MYLK: variants seen among roughly 807,000 people sequenced by gnomAD.
The protein encoded by MYLK is myosin light chain kinase, also known as myosin light chain kinase, smooth muscle.
Under a neutral mutation model 203.4 loss-of-function variants are expected in MYLK, and 106 were observed. The observed-to-expected ratio is 0.52, with a 90% CI of 0.45 to 0.61. The LOEUF is 0.61. Among genes scored for constraint, MYLK ranks in the 20% least tolerant of loss-of-function variants. The pLI is 0.00. For missense variants in MYLK, 2,072 were observed against 2,442.3 expected, an observed-to-expected ratio of 0.85 and a Z score of 3.20; for synonymous variants, 867 against 959.5, an observed-to-expected ratio of 0.90 and a Z score of 1.78.
chr3:123,761,705 TA>T (rs1284481946), intron 4 of MYLK, among the ~76,000 whole-genome samples: 3 of 152,142 alleles, frequency 2.0e-5, no homozygotes, highest in Non-Finnish European at 4.4e-5. Flanking sequence ...GCCATTAGGC[TA>T]AAAAAACCCA....
rs1046988248 is a variant in MYLK at position 123,701,378 on chromosome 3, G to T, written c.2462+60C>A. The T allele has an allele frequency of 9.7e-6, 15 of 1,553,200 alleles. No homozygotes were observed. In the African/African-American group the frequency reaches 1.4e-4, roughly 14 times the overall value. On this transcript the variant is annotated intron_variant, in intron 17 of 33. Transcript: ENST00000360304. ...GGGCTGCTGGGCTGGAGCTGCCGGG[G>T]CCAGGAGGAAGGTGGGGATGGGGGC...
chr3:123,791,612 C>T (rs942700586), intron 4 of MYLK, among the ~76,000 whole-genome samples: 1 of 152,200 alleles, frequency 6.6e-6, no homozygotes, highest in Admixed American at 6.5e-5. Flanking sequence ...AGGCATTGTT[C>T]TGGGTTAATT....
At chr3:123,844,125 T>C (rs182018372) in intron 2 of MYLK, among the ~76,000 whole-genome samples, 2 of 152,256 alleles carry the variant, frequency 1.3e-5, no homozygotes, top group East Asian at 3.9e-4. Context: ...GTGTCCTCTT[T>C]AGTCACATAA....
chr3:123,668,663 A>G (rs916144755), intron 20 of MYLK, among the ~76,000 whole-genome samples: 2 of 152,130 alleles, frequency 1.3e-5, no homozygotes, highest in Non-Finnish European at 2.9e-5. Context: ...GGGAAATTAT[A>G]CCTTAACATA....
At chr3:123,715,517 T>TAA (rs1176669439) in intron 13 of MYLK, among the ~76,000 whole-genome samples, 28 of 152,366 alleles carry the variant, frequency 1.8e-4, no homozygotes, top group African/African-American at 6.3e-4. Context: ...AAACCTAATA[T>TAA]AAATTGATAC....
chr3:123,877,765 G>A (rs1192351300), intron 1 of MYLK, among the ~76,000 whole-genome samples: 2 of 152,208 alleles, frequency 1.3e-5, no homozygotes, highest in Non-Finnish European at 2.9e-5. Flanking sequence ...CAGCAACCAA[G>A]TGATTACGAA....
intron 19 of MYLK, among the ~76,000 whole-genome samples, chr3:123,684,019 T>C (rs1202205264): frequency 6.6e-6 from 1 of 152,192 alleles, no homozygotes; most frequent in African/African-American, 2.4e-5. Flanking sequence ...GCATGCCAGT[T>C]CCATGAGGAC....
At chr3:123,682,337 G>A in intron 19 of MYLK, 27 bp from the exon 20 acceptor site, 2 of 1,534,076 alleles carry the variant, frequency 1.3e-6, no homozygotes, top group Admixed American at 1.9e-5. Context: ...AACAATAAAT[G>A]TTAGCAGCTG....
intron 4 of MYLK, among the ~76,000 whole-genome samples, chr3:123,779,696 A>G (rs1402031521): frequency 6.6e-6 from 1 of 152,212 alleles, no homozygotes; most frequent in East Asian, 1.9e-4. Flanking sequence ...TCTATTGCTC[A>G]TCCTCACCAT....
At chr3:123,669,267 C>A (rs10511420) in intron 20 of MYLK, among the ~76,000 whole-genome samples, 1 of 152,124 alleles carries the variant, frequency 6.6e-6, no homozygotes, top group Non-Finnish European at 1.5e-5. Flanking sequence ...TCCATCCGTC[C>A]ATCTCCAAAA....
At chr3:123,748,516 C>G (rs1228442742) in intron 5 of MYLK, among the ~76,000 whole-genome samples, 1 of 152,126 alleles carries the variant, frequency 6.6e-6, no homozygotes, top group Non-Finnish European at 1.5e-5. Context: ...CCACTTGTGG[C>G]TATTGAGCAC....
chr3:123,855,887 G>A (rs2031325345), intron 2 of MYLK, among the ~76,000 whole-genome samples: 1 of 152,076 alleles, frequency 6.6e-6, no homozygotes, highest in South Asian at 2.1e-4. Context: ...AGCTTTCACT[G>A]ATCAAGCCAC....
chr3:123,806,871 G>A (rs973104051), intron 3 of MYLK, among the ~76,000 whole-genome samples: 8 of 151,850 alleles, frequency 5.3e-5, no homozygotes, highest in African/African-American at 1.9e-4. Context: ...CAGCATGTTG[G>A]CCAGGCTGGT....
intron 19 of MYLK, among the ~76,000 whole-genome samples, chr3:123,687,050 C>T (rs557395281): frequency 6.6e-6 from 1 of 152,028 alleles, no homozygotes; most frequent in East Asian, 1.9e-4. Flanking sequence ...GGTGAAACCC[C>T]TTCTCTACTA....
Position 123,700,837 on chromosome 3 carries a change from C to T in MYLK, c.2631G>A (p.Val877=), listed in dbSNP as rs371542306. ...CCTCCTCAGTGTGCTGCCTCGTCTCCACGCGCCTCTTCAGCACCCCTCGCA... is the reference window on the plus strand; with the variant it reads ...CCTCCTCAGTGTGCTGCCTCGTCTCTACGCGCCTCTTCAGCACCCCTCGCA... ...EDVRGVLKRR[V]ETRQHTEEAI... is the part of the protein sequence containing the mutation. The change falls in exon 18 of 34, where the codon GTG becomes GTA. Residue 877 remains valine (V), a synonymous_variant. Transcript: ENST00000360304. 104 of 1,613,970 alleles carry T rather than the reference C, an allele frequency of 6.4e-5. No homozygotes were observed. Among genetic ancestry groups the T allele is most frequent in the Non-Finnish European group, 8.6e-5 (102 of 1,180,040 alleles).
intron 18 of MYLK, among the ~76,000 whole-genome samples, 181 bp from the exon 19 acceptor site, chr3:123,693,032 T>C (rs1361854827): frequency 1.3e-5 from 2 of 152,126 alleles, no homozygotes; most frequent in Non-Finnish European, 2.9e-5. Context: ...TTATAACCCA[T>C]GTCCAAAATA....
chr3:123,620,109 TA>T (rs397962965), intron 32 of MYLK, 97 bp downstream of exon 32: 27,856 of 793,092 alleles, frequency 0.035, 1 homozygote, highest in Non-Finnish European at 0.043. Flanking sequence ...AATATTAAAA[TA>T]AAAAAAAAAA....
chr3:123,639,407 T>C (rs1023282999), intron 28 of MYLK, among the ~76,000 whole-genome samples: 1 of 152,190 alleles, frequency 6.6e-6, no homozygotes. Flanking sequence ...TTGGGTGGCA[T>C]TCATTTGGCC....
At chr3:123,614,860 G>A (rs2107815687) in intron 33 of MYLK, among the ~76,000 whole-genome samples, 1 of 151,986 alleles carries the variant, frequency 6.6e-6, no homozygotes, top group East Asian at 2.0e-4. Context: ...AGGCTGGAGT[G>A]CAGTGGCATG....
Sources: allele counts gnomAD v4.1 joint callset (sites outside exome capture counted in the v4.1 genomes callset), GRCh38; gene constraint gnomAD v4.1.1; transcripts MANE v1.5; gene names NCBI Gene and HGNC (gene_info 2026-07-23, HGNC 2026-07-21).